The following CENPP variants were observed in gnomAD, a reference collection of about 807,000 sequenced individuals.
The protein encoded by CENPP is centromere protein P.
A neutral mutation model predicts 35.6 loss-of-function variants in CENPP; 24 were observed. That is an observed-to-expected ratio of 0.67 (90% confidence interval 0.49 to 0.95). The LOEUF (loss-of-function observed/expected upper bound fraction) is 0.95. CENPP is among the 40% of genes least tolerant of loss of function. The pLI is 0.00. For synonymous variants in CENPP, 120 were observed against 125.5 expected, an observed-to-expected ratio of 0.96 and a Z score of 0.29; for missense variants, 332 against 345.3, an observed-to-expected ratio of 0.96 and a Z score of 0.31.
At chr9:92,568,359 G>A (rs1252208269) in intron 5 of CENPP, among the ~76,000 whole-genome samples, 1 of 152,128 alleles carries the variant, frequency 6.6e-6, no homozygotes, top group Non-Finnish European at 1.5e-5. Flanking sequence ...TGTTGCGATA[G>A]TTTACTCAGA....
chr9:92,510,962 T>C (rs941200057), intron 5 of CENPP, among the ~76,000 whole-genome samples: 3 of 152,110 alleles, frequency 2.0e-5, no homozygotes, highest in African/African-American at 7.2e-5. Flanking sequence ...GTCTGAAGAG[T>C]GGGTGGAAGA....
At chr9:92,378,926 C>T (rs1842184152) in intron 4 of CENPP, among the ~76,000 whole-genome samples, 3 of 152,154 alleles carry the variant, frequency 2.0e-5, no homozygotes, top group Admixed American at 6.5e-5. Context: ...ACAGACCCCA[C>T]AAGTTATAGG....
chr9:92,572,681 T>A, intron 5 of CENPP, among the ~76,000 whole-genome samples: 2 of 152,204 alleles, frequency 1.3e-5, no homozygotes, highest in Non-Finnish European at 2.9e-5. Flanking sequence ...TCCTGCAGAG[T>A]GTTTTCCAAC....
intron 5 of CENPP, among the ~76,000 whole-genome samples, chr9:92,542,954 C>G (rs1433631388): frequency 1.3e-5 from 2 of 152,140 alleles, no homozygotes; most frequent in Admixed American, 1.3e-4. Context: ...TTTCTCAGCA[C>G]CATTTATTTA....
intron 5 of CENPP, among the ~76,000 whole-genome samples, chr9:92,566,339 A>T (rs1432053567): frequency 2.0e-5 from 3 of 151,936 alleles, no homozygotes; most frequent in Non-Finnish European, 4.4e-5. Context: ...ATACAAAGTA[A>T]CATAAAAATA....
chr9:92,468,788 T>A (rs1845406414), intron 5 of CENPP, among the ~76,000 whole-genome samples: 1 of 152,004 alleles, frequency 6.6e-6, no homozygotes, highest in Admixed American at 6.6e-5. Context: ...ACTTAACAGC[T>A]GGGGGCTTTC....
chr9:92,336,710 G>A (rs1840941705), intron 2 of CENPP, among the ~76,000 whole-genome samples: 1 of 152,092 alleles, frequency 6.6e-6, no homozygotes, highest in Non-Finnish European at 1.5e-5. Flanking sequence ...AACCTTATAG[G>A]TTCTGTAAAA....
chr9:92,332,416 T>C, intron 2 of CENPP, 65 bp downstream of exon 2: 2 of 1,099,012 alleles, frequency 1.8e-6, no homozygotes, highest in African/African-American at 1.6e-5. Flanking sequence ...AAGAAATTGG[T>C]TGTCATAATA....
chr9:92,438,813 C>T (rs1017639420), intron 5 of CENPP, among the ~76,000 whole-genome samples: 3 of 152,170 alleles, frequency 2.0e-5, no homozygotes, highest in Non-Finnish European at 2.9e-5. Flanking sequence ...ATTAACCAGG[C>T]ATGGTGGCAT....
rs1420024966 is a variant in CENPP at position 92,615,699 on chromosome 9, G to A, written c.*2550G>A. On this transcript the variant is annotated 3_prime_UTR_variant, in exon 8 of 8. Coordinates refer to ENST00000375587, the MANE Select transcript of CENPP (RefSeq NM_001012267.3). ...GTGCTCTTCAATTCCATGTCTCCAA[G>A]AGGCAATCCCACCTCAAAAGGGGTT... is the stretch of plus-strand genomic sequence containing the variant. The A allele has an allele frequency of 4.7e-5, 31 of 657,520 alleles. No homozygotes were observed. The allele number at this position is 657,520 out of a possible 1,614,324, so 40.7% of individuals were successfully genotyped here.
intron 5 of CENPP, among the ~76,000 whole-genome samples, chr9:92,570,334 A>T (rs1850102449): frequency 6.6e-6 from 1 of 152,176 alleles, no homozygotes; most frequent in Non-Finnish European, 1.5e-5. Flanking sequence ...TATTGAGATA[A>T]TCATGTGGTT....
At chr9:92,425,680 A>G (rs1843947419) in intron 5 of CENPP, among the ~76,000 whole-genome samples, 1 of 152,256 alleles carries the variant, frequency 6.6e-6, no homozygotes, top group Non-Finnish European at 1.5e-5. Context: ...TGCATTAAGA[A>G]AAGTATACAG....
At chr9:92,524,822 T>A (rs74990354) in intron 5 of CENPP, among the ~76,000 whole-genome samples, 94 of 152,338 alleles carry the variant, frequency 6.2e-4, no homozygotes, top group African/African-American at 2.1e-3. Context: ...GTGATGAAAT[T>A]TATTTCAATT....
chr9:92,533,328 A>AATATATATATATATAT (rs202147064), intron 5 of CENPP, among the ~76,000 whole-genome samples: 15 of 38,326 alleles, frequency 3.9e-4, no homozygotes, highest in African/African-American at 5.9e-4. Flanking sequence ...AAAAAAAAAA[A>AATATATATATATATAT]ATATATATAT....
At chr9:92,349,409 AT>A (rs1170639289) in intron 4 of CENPP, among the ~76,000 whole-genome samples, 56 of 136,042 alleles carry the variant, frequency 4.1e-4, no homozygotes, top group Admixed American at 5.8e-4. Flanking sequence ...TTTTTTTTTT[AT>A]TTTTTTTTTT....
rs1272890664 is a variant in CENPP, at chr9:92,619,283, A to G, written c.*6134A>G. 7.1e-6 allele frequency: 4 copies of G among 564,122 alleles called. No individual in the cohort carries two copies. Among genetic ancestry groups the G allele is most frequent in the Non-Finnish European group, 9.6e-6 (3 of 314,032 alleles). 34.9% of individuals were successfully genotyped at this position (564,122 alleles called of 1,614,324 possible). A position where few individuals can be genotyped will look rare whatever the true frequency, so the allele number is the denominator to read the frequency against. On this transcript the variant is annotated 3_prime_UTR_variant, in exon 8 of 8. Coordinates refer to ENST00000375587, the MANE Select transcript of CENPP (RefSeq NM_001012267.3). ...TAACAATCCTTTTAAGTTATTCTCC[A>G]TAAATCTGTCTTTTGACTGAATTAC... is the stretch of plus-strand genomic sequence containing the variant.
intron 5 of CENPP, among the ~76,000 whole-genome samples, chr9:92,469,387 C>T (rs1845427979): frequency 1.3e-5 from 2 of 152,114 alleles, no homozygotes; most frequent in African/African-American, 4.8e-5. Flanking sequence ...TTGAGCATCC[C>T]TCAGTCTGCC....
At chr9:92,386,172 G>A (rs1324495548) in intron 5 of CENPP, 1 of 1,458,864 alleles carries the variant, frequency 6.9e-7, no homozygotes. Flanking sequence ...GGTAATTAGA[G>A]TCAGATATTG....
intron 5 of CENPP, among the ~76,000 whole-genome samples, chr9:92,488,792 T>C (rs1846117018): frequency 6.6e-6 from 1 of 152,188 alleles, no homozygotes; most frequent in Non-Finnish European, 1.5e-5. Context: ...AGAGATTCTG[T>C]TACTTAGAAA....
Sources: allele counts gnomAD v4.1 joint callset (sites outside exome capture counted in the v4.1 genomes callset), GRCh38; gene constraint gnomAD v4.1.1; transcripts MANE v1.5; gene names NCBI Gene and HGNC (gene_info 2026-07-23, HGNC 2026-07-21).